The following FGGY variants were observed in gnomAD, a reference collection of about 807,000 sequenced individuals.
FGGY encodes FGGY carbohydrate kinase domain containing.
A neutral mutation model predicts 71.3 loss-of-function variants in FGGY; 72 were observed. The observed-to-expected ratio is 1.01, with a 90% CI of 0.84 to 1.23. The LOEUF is 1.23. FGGY is among the 50% of genes most tolerant of loss of function. The pLI is 0.00. For synonymous variants in FGGY, 251 were observed against 250.3 expected, an observed-to-expected ratio of 1.00 and a Z score of -0.02; for missense variants, 668 against 682.3, an observed-to-expected ratio of 0.98 and a Z score of 0.23.
At chr1:59,659,989 GT>G (rs919445659) in intron 11 of FGGY, among the ~76,000 whole-genome samples, 1 of 152,136 alleles carries the variant, frequency 6.6e-6, no homozygotes, top group Non-Finnish European at 1.5e-5. Flanking sequence ...TATTTGTTTT[GT>G]TTTTGTTTAA....
At chr1:59,418,895 C>A (rs1437876718) in intron 5 of FGGY, among the ~76,000 whole-genome samples, 1 of 152,072 alleles carries the variant, frequency 6.6e-6, no homozygotes, top group African/African-American at 2.4e-5. Flanking sequence ...ACTTTATTTA[C>A]AAAAACTGGC....
chr1:59,393,851 C>A (rs2060995939), intron 5 of FGGY, among the ~76,000 whole-genome samples: 3 of 152,022 alleles, frequency 2.0e-5, no homozygotes, highest in South Asian at 4.1e-4. Context: ...TATTTTGGCC[C>A]CCAACCCCCT....
intron 9 of FGGY, among the ~76,000 whole-genome samples, chr1:59,615,164 G>A (rs904539712): frequency 1.3e-5 from 2 of 152,100 alleles, no homozygotes; most frequent in African/African-American, 4.8e-5. Flanking sequence ...AAGTTCATAT[G>A]GAATCAAAAA....
At chr1:59,484,292 T>G (rs1410730298) in intron 6 of FGGY, among the ~76,000 whole-genome samples, 2 of 152,202 alleles carry the variant, frequency 1.3e-5, no homozygotes, top group African/African-American at 4.8e-5. Flanking sequence ...CCTGGTTTTC[T>G]GACTCATCTC....
At chr1:59,735,899 A>G (rs189155364) in intron 14 of FGGY, among the ~76,000 whole-genome samples, 1 of 152,292 alleles carries the variant, frequency 6.6e-6, no homozygotes, top group Admixed American at 6.5e-5. Context: ...GGAAAAGGGA[A>G]AACACACACC....
intron 8 of FGGY, among the ~76,000 whole-genome samples, chr1:59,556,279 A>G (rs1052261389): frequency 2.0e-5 from 3 of 152,212 alleles, no homozygotes; most frequent in Admixed American, 6.5e-5. Context: ...AGGCATTTTT[A>G]CCCCACTCAA....
At chr1:59,578,166 A>G (rs2096118162) in intron 8 of FGGY, among the ~76,000 whole-genome samples, 1 of 152,122 alleles carries the variant, frequency 6.6e-6, no homozygotes, top group South Asian at 2.1e-4. Flanking sequence ...GTGTGGGTCC[A>G]GCACAAGGGA....
intron 5 of FGGY, among the ~76,000 whole-genome samples, chr1:59,418,188 A>C (rs780110814): frequency 4.2e-4 from 64 of 152,178 alleles, no homozygotes; most frequent in Admixed American, 5.2e-4. Flanking sequence ...GAACTGGGGC[A>C]GGGGTTGAGT....
intron 6 of FGGY, among the ~76,000 whole-genome samples, chr1:59,498,557 A>C (rs2094121188): frequency 6.6e-6 from 1 of 152,022 alleles, no homozygotes; most frequent in Non-Finnish European, 1.5e-5. Flanking sequence ...GTGCGTCAAA[A>C]TCACCTGGTG....
intron 9 of FGGY, among the ~76,000 whole-genome samples, chr1:59,620,841 T>C (rs1370264354): frequency 6.6e-6 from 1 of 152,136 alleles, no homozygotes; most frequent in Non-Finnish European, 1.5e-5. Flanking sequence ...GTAGTTTGTG[T>C]GTGATATCTA....
chr1:59,421,046 G>C lies in FGGY; in HGVS notation c.555-35915G>C, dbSNP rs61789974. 7.2e-3 allele frequency among the ~76,000 whole-genome samples: 1,102 copies of C among 152,156 alleles called. 8 individuals carry two copies. Among genetic ancestry groups the C allele is most frequent in the Middle Eastern group, 0.014 (4 of 294 alleles). On this transcript the variant is annotated intron_variant, in intron 5 of 15. Transcript: ENST00000303721. ...AAAAAGTTTCCCAAGTATTTTCTTAGAGCAAGGAGATCTCTTTCTGATGAA... is the reference window on the plus strand; with the variant it reads ...AAAAAGTTTCCCAAGTATTTTCTTACAGCAAGGAGATCTCTTTCTGATGAA...
chr1:59,563,710 C>T (rs2095830978), intron 8 of FGGY, among the ~76,000 whole-genome samples: 1 of 152,000 alleles, frequency 6.6e-6, no homozygotes, highest in Non-Finnish European at 1.5e-5. Context: ...CATATGGAAC[C>T]AAAAAAGAGC....
intron 14 of FGGY, among the ~76,000 whole-genome samples, chr1:59,733,958 C>T (rs765647049): frequency 1.5e-4 from 23 of 152,186 alleles, no homozygotes; most frequent in Non-Finnish European, 2.9e-4. Flanking sequence ...GTCCCCTGGC[C>T]CTTGCTGACC....
chr1:59,700,082 A>G (rs1024414104), intron 14 of FGGY, among the ~76,000 whole-genome samples: 5 of 152,320 alleles, frequency 3.3e-5, no homozygotes, highest in Non-Finnish European at 7.4e-5. Flanking sequence ...TCTGTTACAA[A>G]CACATTAAAA....
chr1:59,536,122 T>C (rs2095308256), intron 7 of FGGY, among the ~76,000 whole-genome samples: 3 of 151,286 alleles, frequency 2.0e-5, no homozygotes, highest in Admixed American at 6.6e-5. Context: ...ATCAAATAGA[T>C]GCAATAAAAA....
chr1:59,342,652 G>C (rs2050947603), intron 3 of FGGY, among the ~76,000 whole-genome samples: 1 of 152,100 alleles, frequency 6.6e-6, no homozygotes, highest in Admixed American at 6.6e-5. Context: ...TATAAAGGTG[G>C]TTTGAAGGTT....
chr1:59,675,479 A>C (rs2097427102), intron 14 of FGGY, among the ~76,000 whole-genome samples: 1 of 152,210 alleles, frequency 6.6e-6, no homozygotes, highest in South Asian at 2.1e-4. Flanking sequence ...CACACTATCC[A>C]AGCCTCTGAA....
At chr1:59,496,686 T>A (rs1355347279) in intron 6 of FGGY, among the ~76,000 whole-genome samples, 4 of 150,868 alleles carry the variant, frequency 2.7e-5, no homozygotes, top group African/African-American at 9.7e-5. Flanking sequence ...AAATAAAAGT[T>A]AAAAAAAAAT....
intron 7 of FGGY, among the ~76,000 whole-genome samples, chr1:59,534,856 A>T (rs1476031681): frequency 6.6e-6 from 1 of 152,090 alleles, no homozygotes; most frequent in African/African-American, 2.4e-5. Context: ...AGGAAAAACC[A>T]GTACCAGCCA....
Sources: allele counts gnomAD v4.1 joint callset (sites outside exome capture counted in the v4.1 genomes callset), GRCh38; gene constraint gnomAD v4.1.1; transcripts MANE v1.5; gene names NCBI Gene and HGNC (gene_info 2026-07-23, HGNC 2026-07-21).